Variants in TSHZ3 observed in about 807,000 individuals in gnomAD.
The protein encoded by TSHZ3 is teashirt zinc finger homeobox 3, also known as teashirt homolog 3.
In TSHZ3, 10 loss-of-function variants were observed where a neutral mutation model predicts 64.5. The observed-to-expected ratio is 0.16, with a 90% confidence interval of 0.10 to 0.26. The LOEUF is 0.26. Ranked by LOEUF, TSHZ3 falls within the 10% of genes least tolerant of loss-of-function variation. TSHZ3 has a pLI of 1.00. For missense variants in TSHZ3, 1,242 were observed against 1,421.7 expected, an observed-to-expected ratio of 0.87 and a Z score of 2.03; for synonymous variants, 608 against 593.1, an observed-to-expected ratio of 1.03 and a Z score of -0.36.
intron 5 of TSHZ3, among the ~76,000 whole-genome samples, chr19:31,202,378 T>C (rs775357199): frequency 2.0e-4 from 30 of 152,184 alleles, no homozygotes; most frequent in Non-Finnish European, 4.1e-4. Context: ...ATAATACATA[T>C]ATGTGTATAT....
rs1438890218 is a variant in TSHZ3 at position 31,276,854 on chromosome 19, T to C, written c.2939A>G (p.Asp980Gly). Residue 980 changes from aspartate to glycine, a missense_variant, in exon 2 of 2, where the codon GAT becomes GGT. By Grantham distance (94) the Asp-to-Gly change is moderately conservative. Transcript: ENST00000240587. The stretch of plus-strand genomic sequence containing the variant: ...AGGAGTCCTGATTTGGGACGCACAA[T>C]CGTTACAAAAGAAGACGGGGTGGCC... ...DTGHPVFFCN[D>G]CASQIRTPST... 2.5e-6 allele frequency: 4 copies of C among 1,614,042 alleles called. No individual in the cohort carries two copies. Among genetic ancestry groups the C allele is most frequent in the Admixed American group, 3.3e-5 (2 of 59,996 alleles).
intron 1 of TSHZ3, among the ~76,000 whole-genome samples, chr19:31,320,994 C>A (rs956720310): frequency 4.6e-5 from 7 of 152,210 alleles, no homozygotes; most frequent in Admixed American, 3.9e-4. Flanking sequence ...CAAGATCCAT[C>A]GTCCACAGAA....
At chr19:31,165,857 A>C (rs1974443726) in intron 5 of TSHZ3, among the ~76,000 whole-genome samples, 1 of 152,204 alleles carries the variant, frequency 6.6e-6, no homozygotes, top group South Asian at 2.1e-4. Flanking sequence ...TATTGGTAAA[A>C]CTGACCTGAA....
intron 1 of TSHZ3, among the ~76,000 whole-genome samples, chr19:31,244,114 AT>A (rs1458620303): frequency 6.6e-6 from 1 of 152,150 alleles, no homozygotes; most frequent in Non-Finnish European, 1.5e-5. Flanking sequence ...ATGACAGTGT[AT>A]GATATAATTT....
In TSHZ3 at chr19:31,229,812, T is replaced by C. The variant is rs867215367; in HGVS notation, n.551-1672A>G. 3.9e-4 allele frequency among the ~76,000 whole-genome samples: 59 copies of C among 152,270 alleles called. 1 individual carries two copies. Among genetic ancestry groups the C allele is most frequent in the African/African-American group, 1.4e-3 (58 of 41,552 alleles). On this transcript the variant is annotated intron_variant and non_coding_transcript_variant, in intron 3 of 6. Coordinates refer to the TSHZ3 transcript ENST00000651361. ...GTACTAACAGCAAAAATATGAAAAA[T>C]GTTTAACTTTGCAAGCTGTCAAAGA...
intron 1 of TSHZ3, chr19:31,308,296 A>T (rs572931095): frequency 6.8e-5 from 12 of 175,186 alleles, no homozygotes; most frequent in South Asian, 2.0e-4. Flanking sequence ...ATGTTTGGAA[A>T]ACAAGCTAAT....
intron 5 of TSHZ3, among the ~76,000 whole-genome samples, chr19:31,190,603 A>G (rs1262770229): frequency 6.6e-6 from 1 of 152,020 alleles, no homozygotes; most frequent in African/African-American, 2.4e-5. Context: ...GGCAAAATAT[A>G]TTCTCAACTA....
At chr19:31,290,602 G>C (rs193122047) in intron 1 of TSHZ3, among the ~76,000 whole-genome samples, 2 of 152,128 alleles carry the variant, frequency 1.3e-5, no homozygotes, top group Non-Finnish European at 2.9e-5. Context: ...ATCCACCTGG[G>C]CACCCGGAGT....
chr19:31,251,392 A>C (rs1975839987), intron 1 of TSHZ3, among the ~76,000 whole-genome samples: 1 of 152,102 alleles, frequency 6.6e-6, no homozygotes, highest in African/African-American at 2.4e-5. Flanking sequence ...TACTAATTCC[A>C]AACCAGTTGT....
At chr19:31,165,478 C>A (rs1259065454) in intron 5 of TSHZ3, among the ~76,000 whole-genome samples, 1 of 152,066 alleles carries the variant, frequency 6.6e-6, no homozygotes, top group Admixed American at 6.5e-5. Flanking sequence ...CATTGGCCTA[C>A]CTAGAGCACA....
intron 5 of TSHZ3, among the ~76,000 whole-genome samples, chr19:31,161,099 G>A (rs1322040868): frequency 6.6e-6 from 1 of 152,086 alleles, no homozygotes; most frequent in African/African-American, 2.4e-5. Context: ...ATGTGTGTGT[G>A]TATCTCACAT....
chr19:31,328,924 C>A (rs10425645), intron 1 of TSHZ3, among the ~76,000 whole-genome samples: 31,413 of 152,070 alleles, frequency 0.21, 3,940 homozygotes, highest in African/African-American at 0.35. Context: ...GTCACCTAAG[C>A]GGGAGTGGCT....
intron 3 of TSHZ3, among the ~76,000 whole-genome samples, chr19:31,232,237 G>A (rs1032433285): frequency 4.6e-5 from 7 of 152,022 alleles, no homozygotes; most frequent in Non-Finnish European, 8.8e-5. Context: ...AGAAGAAATC[G>A]CCAGTCCAGA....
chr19:31,212,236 A>T (rs939370031), intron 4 of TSHZ3, among the ~76,000 whole-genome samples: 5 of 152,216 alleles, frequency 3.3e-5, no homozygotes, highest in South Asian at 2.1e-4. Flanking sequence ...CAGGAGAATT[A>T]CTTGAGGTCA....
chr19:31,207,523 T>C (rs1315640185), intron 4 of TSHZ3: 1 of 152,128 alleles, frequency 6.6e-6, no homozygotes, highest in Non-Finnish European at 1.5e-5. Flanking sequence ...TATCTAGAAA[T>C]GTCAAAGCAG....
rs899053197 is a variant in TSHZ3 at position 31,163,005 on chromosome 19, C to T, written n.810-6588G>A. Among the ~76,000 whole-genome samples the T allele has an allele frequency of 3.1e-4, 47 of 152,292 alleles. 1 individual carries two copies. The East Asian group carries it at 7.7e-3, about 25-fold the overall frequency. ...CTCTCTCATTATCTAGAGAAGGAAA[C>T]TGATGTTCTTAACATTCCTAGGAGC... On this transcript the variant is annotated intron_variant and non_coding_transcript_variant, in intron 5 of 6. Coordinates refer to the TSHZ3 transcript ENST00000651361.
chr19:31,330,282 G>A (rs1917043661), intron 1 of TSHZ3, among the ~76,000 whole-genome samples: 1 of 152,178 alleles, frequency 6.6e-6, no homozygotes, highest in Non-Finnish European at 1.5e-5. Flanking sequence ...CCCCTCACCT[G>A]CCTGGCCCTC....
chr19:31,326,209 T>A (rs1434850832), intron 1 of TSHZ3, among the ~76,000 whole-genome samples: 4 of 152,222 alleles, frequency 2.6e-5, no homozygotes, highest in African/African-American at 9.6e-5. Flanking sequence ...AAAACTGCAA[T>A]TACTTTTGCA....
chr19:31,276,489 G>C lies in TSHZ3; in HGVS notation c.*58C>G. ...AACAACAAGTCAGAGGGGGCCTGAA[G>C]GTGCCTTCCACAGTTTCCCTCAAAG... On this transcript the variant is annotated 3_prime_UTR_variant, in exon 2 of 2. Coordinates refer to ENST00000240587, the MANE Select transcript of TSHZ3 (RefSeq NM_020856.4). The C allele has an allele frequency of 2.0e-6, 3 of 1,472,518 alleles. No individual in the cohort carries two copies. Among genetic ancestry groups the C allele is most frequent in the Non-Finnish European group, 2.7e-6 (3 of 1,094,358 alleles). The allele number at this position is 1,472,518 out of a possible 1,614,324, so 91.2% of individuals were successfully genotyped here.
Sources: gnomAD v4.1 joint callset for allele counts (sites outside exome capture counted in the v4.1 genomes callset) on GRCh38, gnomAD v4.1.1 for gene constraint, MANE v1.5 for transcripts, NCBI Gene and HGNC (gene_info 2026-07-23, HGNC 2026-07-21) for gene names.